EXOC6B: variants seen among roughly 807,000 people sequenced by gnomAD.
EXOC6B encodes SEC15 homolog B.
In EXOC6B, 54 loss-of-function variants were observed where a neutral mutation model predicts 113.5. The observed-to-expected ratio is 0.48, with a 90% CI of 0.38 to 0.60. The LOEUF (loss-of-function observed/expected upper bound fraction) is 0.60, where lower values mean the gene tolerates loss of function less well. EXOC6B is among the 20% of genes least tolerant of loss of function. The probability of loss-of-function intolerance (pLI) is 0.00; values close to 1 mark genes in which losing one functional copy is unlikely to be tolerated. For synonymous variants in EXOC6B, 357 were observed against 339.0 expected, an observed-to-expected ratio of 1.05 and a Z score of -0.58; for missense variants, 797 against 977.5, an observed-to-expected ratio of 0.82 and a Z score of 2.46.
Position 72,425,989 on chromosome 2 carries a change from T to A in EXOC6B, c.1980+39171A>T, listed in dbSNP as rs374676801. On this transcript the variant is annotated intron_variant, in intron 18 of 21. Coordinates refer to ENST00000272427, the MANE Select transcript of EXOC6B (RefSeq NM_015189.3). ...TTAAAAGTGTATCTTTTAGTCTTTATTACGTTTTCCTGGTATTTAGTAAAC... is the reference window on the plus strand; with the variant it reads ...TTAAAAGTGTATCTTTTAGTCTTTAATACGTTTTCCTGGTATTTAGTAAAC... Among the ~76,000 whole-genome samples, 4 of 152,322 alleles carry A rather than the reference T, an allele frequency of 2.6e-5. No individual in the cohort carries two copies. In the East Asian group the frequency reaches 7.7e-4, roughly 29 times the overall value.
At chr2:72,616,296 C>CA (rs113492310) in intron 6 of EXOC6B, among the ~76,000 whole-genome samples, 9 of 151,232 alleles carry the variant, frequency 6.0e-5, no homozygotes, top group Non-Finnish European at 8.9e-5. Flanking sequence ...CATATAAGAG[C>CA]AAAAAAAAGA....
chr2:72,807,198 C>T (rs1685627090), intron 1 of EXOC6B, among the ~76,000 whole-genome samples: 1 of 152,054 alleles, frequency 6.6e-6, no homozygotes. Flanking sequence ...GATTTTTGCA[C>T]ATGGTATAAG....
At chr2:72,220,765 T>C (rs1680817341) in intron 20 of EXOC6B, among the ~76,000 whole-genome samples, 1 of 152,248 alleles carries the variant, frequency 6.6e-6, no homozygotes, top group South Asian at 2.1e-4. Context: ...ACTGCTGTAC[T>C]AACCTCAAAC....
intron 11 of EXOC6B, 145 bp downstream of exon 11, chr2:72,512,987 C>A: frequency 1.1e-6 from 1 of 908,204 alleles, no homozygotes; most frequent in East Asian, 2.8e-5. Context: ...TAATTTGAAG[C>A]AGCTACTTCT....
At chr2:72,615,005 T>C (rs981989073) in intron 6 of EXOC6B, among the ~76,000 whole-genome samples, 15 of 151,822 alleles carry the variant, frequency 9.9e-5, no homozygotes, top group African/African-American at 3.6e-4. Flanking sequence ...AATCTCCAAC[T>C]AGAGAGGAAT....
intron 8 of EXOC6B, among the ~76,000 whole-genome samples, chr2:72,527,971 C>A (rs1701818134): frequency 6.6e-6 from 1 of 151,758 alleles, no homozygotes. Context: ...ATATGATTTG[C>A]AAATATTTTC....
At chr2:72,306,182 T>TA (rs146938787) in intron 20 of EXOC6B, among the ~76,000 whole-genome samples, 2 of 152,112 alleles carry the variant, frequency 1.3e-5, no homozygotes, top group African/African-American at 2.4e-5. Flanking sequence ...ACATTATTTA[T>TA]AAAAAACAAG....
intron 19 of EXOC6B, among the ~76,000 whole-genome samples, chr2:72,377,366 G>A (rs922200318): frequency 6.6e-6 from 1 of 152,072 alleles, no homozygotes; most frequent in Non-Finnish European, 1.5e-5. Context: ...TATATCCAGA[G>A]GAGATGAAAT....
intron 17 of EXOC6B, among the ~76,000 whole-genome samples, chr2:72,469,255 A>G (rs1698250931): frequency 6.6e-6 from 1 of 151,800 alleles, no homozygotes; most frequent in African/African-American, 2.4e-5. Context: ...TCCATCCAGG[A>G]TTTTCTCTAC....
chr2:72,490,698 T>C (rs1016591395), intron 16 of EXOC6B, among the ~76,000 whole-genome samples: 2 of 152,192 alleles, frequency 1.3e-5, no homozygotes, highest in African/African-American at 2.4e-5. Context: ...TAGTATTCAA[T>C]GAAATGGTGC....
intron 6 of EXOC6B, among the ~76,000 whole-genome samples, chr2:72,701,799 A>T (rs545670837): frequency 3.9e-5 from 6 of 152,288 alleles, no homozygotes; most frequent in African/African-American, 1.4e-4. Context: ...AACATATCTT[A>T]ACCATCAGCA....
intron 20 of EXOC6B, among the ~76,000 whole-genome samples, chr2:72,185,069 A>G (rs888314022): frequency 2.6e-5 from 4 of 152,268 alleles, no homozygotes; most frequent in Non-Finnish European, 4.4e-5. Flanking sequence ...CAGACATCAC[A>G]CTAACAAATA....
chr2:72,801,265 C>G (rs1196270941), intron 1 of EXOC6B, among the ~76,000 whole-genome samples: 1 of 152,102 alleles, frequency 6.6e-6, no homozygotes. Context: ...TTCTATATTT[C>G]TGTGTATGTT....
chr2:72,772,383 C>A (rs954695967), intron 1 of EXOC6B, among the ~76,000 whole-genome samples: 1 of 152,176 alleles, frequency 6.6e-6, no homozygotes, highest in Non-Finnish European at 1.5e-5. Flanking sequence ...AGGCTTCAGG[C>A]CTGCCCAATA....
chr2:72,477,217 T>TA (rs1330418524), intron 17 of EXOC6B, among the ~76,000 whole-genome samples: 1 of 152,218 alleles, frequency 6.6e-6, no homozygotes, highest in Non-Finnish European at 1.5e-5. Context: ...AGCTATGAAT[T>TA]AAACATACCA....
At chr2:72,250,599 C>T (rs1025439587) in intron 20 of EXOC6B, among the ~76,000 whole-genome samples, 2 of 151,604 alleles carry the variant, frequency 1.3e-5, no homozygotes, top group Non-Finnish European at 2.9e-5. Context: ...CCACCTCAGC[C>T]CCCTAAATTG....
At chr2:72,352,542 G>A (rs1201802268) in intron 19 of EXOC6B, among the ~76,000 whole-genome samples, 1 of 151,950 alleles carries the variant, frequency 6.6e-6, no homozygotes, top group African/African-American at 2.4e-5. Context: ...ATAGATTAAA[G>A]AGAAAGAAAG....
intron 6 of EXOC6B, among the ~76,000 whole-genome samples, chr2:72,672,546 C>CAAAAA (rs60924280): frequency 4.5e-5 from 4 of 88,490 alleles, no homozygotes; most frequent in African/African-American, 8.0e-5. Flanking sequence ...GACTCTGTCT[C>CAAAAA]AAAAAAAAAA....
chr2:72,431,487 A>T (rs1233943037), intron 18 of EXOC6B, among the ~76,000 whole-genome samples: 1 of 117,342 alleles, frequency 8.5e-6, no homozygotes, highest in East Asian at 2.3e-4. Flanking sequence ...TGATTTCTTT[A>T]TCTATCTATC....
Sources: gnomAD v4.1 joint callset for allele counts (sites outside exome capture counted in the v4.1 genomes callset) on GRCh38, gnomAD v4.1.1 for gene constraint, MANE v1.5 for transcripts, NCBI Gene and HGNC (gene_info 2026-07-23, HGNC 2026-07-21) for gene names.